The following ALPK1 variants were observed in gnomAD, a reference collection of about 807,000 sequenced individuals.
ALPK1 encodes the protein alpha kinase 1.
Under a neutral mutation model 120.6 loss-of-function variants are expected in ALPK1, and 110 were observed. The ratio of observed to expected loss-of-function variants is 0.91; its 90% CI spans 0.78 to 1.07. The LOEUF (loss-of-function observed/expected upper bound fraction) is 1.07, where lower values mean the gene tolerates loss of function less well. ALPK1 is among the 50% of genes least tolerant of loss of function. The pLI, the probability that ALPK1 is intolerant of heterozygous loss-of-function variation, is 0.00. For synonymous variants in ALPK1, 582 were observed against 560.3 expected (o/e 1.04, Z -0.55); for missense variants, 1,498 against 1,483.9 (o/e 1.01, Z -0.16).
At chr4:112,317,691 T>A (rs1159292388) in intron 2 of ALPK1, among the ~76,000 whole-genome samples, 1 of 152,190 alleles carries the variant, frequency 6.6e-6, no homozygotes, top group East Asian at 1.9e-4. Context: ...TTTTTAGCTA[T>A]TCCAAGTCCC....
At chr4:112,358,878 C>A in intron 2 of ALPK1, 1 of 774,912 alleles carries the variant, frequency 1.3e-6, no homozygotes. Context: ...CTTTGCTGCC[C>A]TGGCGACCTG....
rs756821042 is a variant in ALPK1 at position 112,402,458 on chromosome 4, A to AT, written c.277-9363dup. Reference sequence around the variant, plus strand: ...GAGCCCTTAGAAAAGGCTCTTCAGCATTTTTTCAATCATCTGTGTATCGAA... The same window carrying AT: ...GAGCCCTTAGAAAAGGCTCTTCAGCATTTTTTTCAATCATCTGTGTATCGAA... On this transcript the variant is annotated intron_variant, in intron 4 of 15. Coordinates refer to ENST00000650871, the MANE Select transcript of ALPK1 (RefSeq NM_025144.4). Among the ~76,000 whole-genome samples the AT allele has an allele frequency of 6.6e-5, 10 of 152,294 alleles. No individual in the cohort carries two copies. In the East Asian group the frequency reaches 1.2e-3, roughly 18 times the overall value.
At chr4:112,359,693 A>T in intron 2 of ALPK1, 1 of 240,772 alleles carries the variant, frequency 4.2e-6, no homozygotes, top group South Asian at 4.9e-5. Flanking sequence ...CTGCAGGGCG[A>T]AGCCAGTCCC....
intron 2 of ALPK1, chr4:112,358,212 TC>T: frequency 1.7e-6 from 1 of 600,192 alleles, no homozygotes; most frequent in East Asian, 4.2e-5. Flanking sequence ...AACAGGGCTG[TC>T]TTCCTCTGTG....
chr4:112,357,104 G>T (rs1730664845), intron 2 of ALPK1: 1 of 1,169,358 alleles, frequency 8.6e-7, no homozygotes, highest in Admixed American at 1.9e-5. Flanking sequence ...GCTCTGCCTG[G>T]AAGGGGCCAT....
intron 2 of ALPK1, among the ~76,000 whole-genome samples, chr4:112,337,725 GA>G: frequency 6.6e-6 from 1 of 151,884 alleles, no homozygotes; most frequent in African/African-American, 2.4e-5. Flanking sequence ...GAAAGGAAAG[GA>G]AAGAAAGAAA....
At chr4:112,374,921 G>T (rs924586551) in intron 2 of ALPK1, among the ~76,000 whole-genome samples, 1 of 152,168 alleles carries the variant, frequency 6.6e-6, no homozygotes, top group Non-Finnish European at 1.5e-5. Flanking sequence ...TAGAGCACAG[G>T]CAGAGTAGAT....
intron 2 of ALPK1, among the ~76,000 whole-genome samples, chr4:112,326,323 G>C (rs987693289): frequency 5.3e-5 from 8 of 152,156 alleles, no homozygotes; most frequent in South Asian, 2.1e-4. Context: ...CTGCAACTGA[G>C]TTAGTTTCTG....
At chr4:112,316,106 C>T (rs1728623759) in intron 2 of ALPK1, 1 of 152,198 alleles carries the variant, frequency 6.6e-6, no homozygotes, top group African/African-American at 2.4e-5. Context: ...AGTACACTCA[C>T]ATTGTTGCAC....
chr4:112,358,465 C>T (rs186856038), intron 2 of ALPK1: 11 of 663,212 alleles, frequency 1.7e-5, no homozygotes, highest in South Asian at 8.6e-5. Context: ...CTAAGAGTCT[C>T]GACCTGCACG....
chr4:112,435,802 C>A (rs1162742950), intron 12 of ALPK1, among the ~76,000 whole-genome samples: 1 of 152,162 alleles, frequency 6.6e-6, no homozygotes, highest in African/African-American at 2.4e-5. Flanking sequence ...GAGGGTGCAG[C>A]CCGTAGCAAA....
At chr4:112,377,312 C>A (rs953295680) in intron 2 of ALPK1, among the ~76,000 whole-genome samples, 5 of 152,168 alleles carry the variant, frequency 3.3e-5, no homozygotes, top group African/African-American at 1.2e-4. Flanking sequence ...TAGCCAGATG[C>A]TTCCTGTGGA....
Position 112,425,752 on chromosome 4 carries a change from G to A in ALPK1, c.622+1G>A. 1.9e-6 allele frequency: 3 copies of A among 1,608,444 alleles called. No individual in the cohort carries two copies. Among genetic ancestry groups the A allele is most frequent in the South Asian group, 1.1e-5 (1 of 90,280 alleles). On this transcript the variant is annotated splice_donor_variant, in intron 7 of 15. Transcript: ENST00000650871. LOFTEE classifies it high-confidence loss of function. Reference sequence around the variant, plus strand: ...AGAGGGCAGATTCTGCAAAAGCTGGGTACAATCATGTAAAACTTGCATTTC... The same window carrying A: ...AGAGGGCAGATTCTGCAAAAGCTGGATACAATCATGTAAAACTTGCATTTC...
chr4:112,324,197 G>C (rs1407586362), intron 2 of ALPK1, among the ~76,000 whole-genome samples: 1 of 152,066 alleles, frequency 6.6e-6, no homozygotes, highest in Non-Finnish European at 1.5e-5. Flanking sequence ...CATGGTGGCA[G>C]GCGCCTGTAG....
chr4:112,319,667 A>C (rs746232909), intron 2 of ALPK1, among the ~76,000 whole-genome samples: 2 of 152,174 alleles, frequency 1.3e-5, no homozygotes, highest in Admixed American at 6.5e-5. Context: ...GATTCTATCC[A>C]CCCATGAGCA....
intron 5 of ALPK1, among the ~76,000 whole-genome samples, chr4:112,418,702 T>C (rs959937004): frequency 4.0e-5 from 6 of 151,256 alleles, no homozygotes; most frequent in Non-Finnish European, 8.8e-5. Context: ...ACAAAGCAGG[T>C]ATTGAAGGGT....
At chr4:112,305,181 CATG>C (rs1560628804) in intron 1 of ALPK1, among the ~76,000 whole-genome samples, 3 of 152,008 alleles carry the variant, frequency 2.0e-5, no homozygotes. Context: ...AGTCAGGTAG[CATG>C]ATGCCTCCAG....
At chr4:112,329,910 A>G (rs1002700073) in intron 2 of ALPK1, among the ~76,000 whole-genome samples, 1 of 152,250 alleles carries the variant, frequency 6.6e-6, no homozygotes, top group Non-Finnish European at 1.5e-5. Flanking sequence ...CAGAGTTGCT[A>G]AGGGGAAGCC....
chr4:112,306,466 G>A (rs1728063942), intron 1 of ALPK1, among the ~76,000 whole-genome samples: 1 of 151,998 alleles, frequency 6.6e-6, no homozygotes, highest in Non-Finnish European at 1.5e-5. Flanking sequence ...CTTCTTCCTG[G>A]TTTAATCTTG....
Sources: allele counts gnomAD v4.1 joint callset (sites outside exome capture counted in the v4.1 genomes callset), GRCh38; gene constraint gnomAD v4.1.1; transcripts MANE v1.5; gene names NCBI Gene and HGNC (gene_info 2026-07-23, HGNC 2026-07-21).